RAB27B: variants seen among roughly 807,000 people sequenced by gnomAD.
RAB27B encodes the protein ras-related protein Rab-27B.
A neutral mutation model predicts 24.6 loss-of-function variants in RAB27B; 15 were observed. The observed-to-expected ratio is 0.61, with a 90% CI of 0.41 to 0.94. The LOEUF is 0.94. Among genes scored for constraint, RAB27B ranks in the 40% least tolerant of loss-of-function variants. The pLI is 0.00. For missense variants in RAB27B, 261 were observed against 266.8 expected (o/e 0.98, Z 0.15); for synonymous variants, 105 against 92.5 (o/e 1.14, Z -0.78).
chr18:54,790,851 G>A (rs1488059414), intron 2 of RAB27B, among the ~76,000 whole-genome samples: 2 of 152,116 alleles, frequency 1.3e-5, no homozygotes, highest in Admixed American at 6.5e-5. Flanking sequence ...TTATCTTCAA[G>A]CCTTAATTTT....
chr18:54,815,030 T>C lies in RAB27B; in HGVS notation c.-19-62537T>C, dbSNP rs566729778. ...TCTTTACAGGCATTTTTTTCCCTAATTGCCACCCAAATGAGAATTTAATAA... is the reference window on the plus strand; with the variant it reads ...TCTTTACAGGCATTTTTTTCCCTAACTGCCACCCAAATGAGAATTTAATAA... On this transcript the variant is annotated intron_variant, in intron 2 of 4. Transcript: ENST00000586570. 1.5e-4 allele frequency among the ~76,000 whole-genome samples: 23 copies of C among 152,292 alleles called. No homozygotes were observed. In the South Asian group the frequency reaches 3.9e-3, roughly 26 times the overall value.
At chr18:54,770,699 A>G (rs551242037) in intron 2 of RAB27B, among the ~76,000 whole-genome samples, 3 of 151,902 alleles carry the variant, frequency 2.0e-5, no homozygotes, top group Non-Finnish European at 4.4e-5. Flanking sequence ...CTACTCTTTG[A>G]TCTATTTCTA....
chr18:54,747,785 C>G (rs1319096766), intron 2 of RAB27B, among the ~76,000 whole-genome samples: 1 of 152,068 alleles, frequency 6.6e-6, no homozygotes, highest in Non-Finnish European at 1.5e-5. Context: ...TTTATGTTCT[C>G]ATAAAGATTT....
At chr18:54,864,858 CAG>C (rs980171381) in intron 1 of RAB27B, among the ~76,000 whole-genome samples, 1 of 152,036 alleles carries the variant, frequency 6.6e-6, no homozygotes, top group Non-Finnish European at 1.5e-5. Context: ...TATTATTTTT[CAG>C]TCAAGATCAT....
chr18:54,809,911 CT>C (rs904525115), intron 2 of RAB27B, among the ~76,000 whole-genome samples: 10 of 152,096 alleles, frequency 6.6e-5, no homozygotes, highest in African/African-American at 2.2e-4. Flanking sequence ...ATTGTGCTGA[CT>C]TTTTAAAAGT....
chr18:54,884,547 G>T, intron 4 of RAB27B, 111 bp downstream of exon 4: 3 of 703,836 alleles, frequency 4.3e-6, no homozygotes, highest in Non-Finnish European at 7.3e-6. Flanking sequence ...AACTTTCAAA[G>T]TCATGAGTTT....
intron 4 of RAB27B, among the ~76,000 whole-genome samples, chr18:54,884,835 G>A (rs1913068323): frequency 6.6e-6 from 1 of 152,178 alleles, no homozygotes; most frequent in Non-Finnish European, 1.5e-5. Context: ...ATTTTCTGAG[G>A]GGACACTGGC....
chr18:54,776,240 T>C (rs1908711535), intron 2 of RAB27B, among the ~76,000 whole-genome samples: 1 of 152,254 alleles, frequency 6.6e-6, no homozygotes, highest in Non-Finnish European at 1.5e-5. Context: ...GAGGCAGAGA[T>C]GCCTTCCATC....
intron 1 of RAB27B, among the ~76,000 whole-genome samples, chr18:54,844,408 C>CTTTTTTTTTTTTTTTTTTTTTTT (rs148747981): frequency 9.3e-6 from 1 of 107,880 alleles, no homozygotes; most frequent in Non-Finnish European, 1.9e-5. Flanking sequence ...CTTTTCTTTT[C>CTTTTTTTTTTTTTTTTTTTTTTT]TTTTTTTTTT....
Position 54,780,710 on chromosome 18 carries a change from G to T in RAB27B, c.-20+62569G>T, listed in dbSNP as rs151051182. 3.0e-3 allele frequency among the ~76,000 whole-genome samples: 464 copies of T among 152,262 alleles called. 6 individuals are homozygous for T. Among genetic ancestry groups the T allele is most frequent in the South Asian group, 0.028 (136 of 4,830 alleles). On this transcript the variant is annotated intron_variant, in intron 2 of 4. Coordinates refer to the RAB27B transcript ENST00000586570. The stretch of plus-strand genomic sequence containing the variant: ...CATATTCTGAGATATTGGCAGTTAG[G>T]ATTTCAACATACAGATTTGGGGGAG...
At chr18:54,874,058 A>T (rs183623462) in intron 1 of RAB27B, among the ~76,000 whole-genome samples, 1 of 152,322 alleles carries the variant, frequency 6.6e-6, no homozygotes, top group African/African-American at 2.4e-5. Flanking sequence ...AGGTGGCACC[A>T]GTATTGCCCC....
intron 2 of RAB27B, among the ~76,000 whole-genome samples, chr18:54,724,332 A>G (rs992666605): frequency 4.6e-5 from 7 of 151,596 alleles, no homozygotes; most frequent in Admixed American, 1.3e-4. Context: ...GGCTACTAGA[A>G]AAGTTAATGT....
intron 2 of RAB27B, among the ~76,000 whole-genome samples, chr18:54,793,037 A>G (rs912854361): frequency 2.0e-5 from 3 of 152,162 alleles, no homozygotes; most frequent in Admixed American, 6.5e-5. Flanking sequence ...GTTGAAAAAA[A>G]ATCTGCATTT....
intron 1 of RAB27B, among the ~76,000 whole-genome samples, chr18:54,854,896 A>AT (rs1408694564): frequency 6.6e-6 from 1 of 152,184 alleles, no homozygotes; most frequent in Non-Finnish European, 1.5e-5. Flanking sequence ...TTTCATGACT[A>AT]TTTTTTCACA....
At chr18:54,724,135 T>A (rs900679172) in intron 2 of RAB27B, among the ~76,000 whole-genome samples, 4 of 151,488 alleles carry the variant, frequency 2.6e-5, no homozygotes, top group African/African-American at 9.7e-5. Context: ...AAGTTGGATG[T>A]CAAAATAAAG....
chr18:54,871,266 C>T (rs980169273), intron 1 of RAB27B, among the ~76,000 whole-genome samples: 3 of 152,198 alleles, frequency 2.0e-5, no homozygotes, highest in Admixed American at 1.3e-4. Flanking sequence ...TGGTAGTCTG[C>T]AGGTCCTTAG....
chr18:54,822,552 G>T (rs1401945881), intron 2 of RAB27B, among the ~76,000 whole-genome samples: 2 of 152,102 alleles, frequency 1.3e-5, no homozygotes, highest in Non-Finnish European at 2.9e-5. Flanking sequence ...ATTTTATATG[G>T]ATTTGCATAT....
chr18:54,815,359 A>G (rs1360974318), intron 2 of RAB27B, among the ~76,000 whole-genome samples: 1 of 152,224 alleles, frequency 6.6e-6, no homozygotes, highest in Non-Finnish European at 1.5e-5. Flanking sequence ...AGACATAGCC[A>G]TGTCAGACTT....
intron 1 of RAB27B, among the ~76,000 whole-genome samples, chr18:54,833,704 C>T (rs1036042840): frequency 6.6e-6 from 1 of 152,186 alleles, no homozygotes; most frequent in Non-Finnish European, 1.5e-5. Flanking sequence ...GAGGAAAGGG[C>T]ATTTCAGTTG....
Sources: allele counts gnomAD v4.1 joint callset (sites outside exome capture counted in the v4.1 genomes callset), GRCh38; gene constraint gnomAD v4.1.1; transcripts MANE v1.5; gene names NCBI Gene and HGNC (gene_info 2026-07-23, HGNC 2026-07-21).